NEMF: variants seen among roughly 807,000 people sequenced by gnomAD.
The protein encoded by NEMF is nuclear export mediator factor.
In NEMF, 89 loss-of-function variants were observed where a neutral mutation model predicts 162.2. The ratio of observed to expected loss-of-function variants is 0.55; its 90% confidence interval spans 0.46 to 0.65. The LOEUF (loss-of-function observed/expected upper bound fraction) is 0.65. Ranked by LOEUF, NEMF falls within the 30% of genes least tolerant of loss-of-function variation. The probability of loss-of-function intolerance (pLI) is 0.00; values close to 1 mark genes in which losing one functional copy is unlikely to be tolerated. For synonymous variants in NEMF, 421 were observed against 404.5 expected, an observed-to-expected ratio of 1.04 and a Z score of -0.49; for missense variants, 1,133 against 1,261.9, an observed-to-expected ratio of 0.90 and a Z score of 1.55.
chr14:49,836,096 A>T (rs1594793578), intron 6 of NEMF, among the ~76,000 whole-genome samples: 2 of 152,304 alleles, frequency 1.3e-5, no homozygotes. Flanking sequence ...CCTGGCCAAG[A>T]AGGTGAAACC....
In NEMF at chr14:49,802,557, A is replaced by G; in HGVS notation, c.1991T>C (p.Val664Ala). 1 of 1,614,000 alleles carries G rather than the reference A, an allele frequency of 6.2e-7. No individual in the cohort carries two copies. Among genetic ancestry groups the G allele is most frequent in the Non-Finnish European group, 8.5e-7 (1 of 1,179,976 alleles). ...TTTTCGTTCACCCTGATGTCTCCAA[A>G]CACAAGACTCATCTACCTAAAGAAA... The part of the protein sequence containing the change: ...SFLFKVDESC[V>A]WRHQGERKVR... Residue 664 changes from valine to alanine, a missense_variant, in exon 22 of 33, where the codon GTT (valine) becomes GCT (alanine). This residue lies in a region of NEMF where 532 missense variants were observed against 578.6 expected (regional missense o/e 0.92). Transcript: ENST00000298310.
intron 16 of NEMF, among the ~76,000 whole-genome samples, chr14:49,824,970 C>G (rs1187572405): frequency 6.6e-6 from 1 of 152,324 alleles, no homozygotes; most frequent in South Asian, 2.1e-4. Context: ...GGAGAGACTT[C>G]TGACCTCTGC....
At chr14:49,796,066 G>T in intron 25 of NEMF, 122 bp from the exon 26 acceptor site, 1 of 678,468 alleles carries the variant, frequency 1.5e-6, no homozygotes, top group Non-Finnish European at 2.5e-6. Flanking sequence ...TGCTTCACTT[G>T]ATAATCACCA....
chr14:49,794,788 G>C (rs1474205951), intron 26 of NEMF, among the ~76,000 whole-genome samples: 1 of 143,330 alleles, frequency 7.0e-6, no homozygotes, highest in Non-Finnish European at 1.5e-5. Flanking sequence ...GCGTGATCTT[G>C]GCTCACTGCA....
rs780442972 is a variant in NEMF, at chr14:49,799,207, CAAAAAAAAA to C, written c.2465+259_2465+267del. Among the ~76,000 whole-genome samples the C allele has an allele frequency of 6.4e-4, 38 of 59,064 alleles. 1 individual carries two copies. Among genetic ancestry groups the C allele is most frequent in the South Asian group, 2.1e-3 (2 of 972 alleles). The allele number at this position is 59,064 out of a possible 152,430, so 38.7% of individuals were successfully genotyped here. ...TGGGCAACAAAGCGAGACCCTGTTT[CAAAAAAAAA>C]AAAAAAAAAAAAAAAAAGGAAAATG... On this transcript the variant is annotated intron_variant, in intron 25 of 32. Coordinates refer to ENST00000298310, the MANE Select transcript of NEMF (RefSeq NM_004713.6).
intron 19 of NEMF, among the ~76,000 whole-genome samples, chr14:49,804,165 C>T (rs150208788): frequency 4.7e-4 from 71 of 151,530 alleles, no homozygotes; most frequent in African/African-American, 1.3e-3. Flanking sequence ...CCACCACGCC[C>T]GGCTAATTTT....
At chr14:49,843,604 CG>C (rs1190394624) in intron 4 of NEMF, among the ~76,000 whole-genome samples, 5 of 152,184 alleles carry the variant, frequency 3.3e-5, no homozygotes, top group African/African-American at 1.2e-4. Context: ...GTCGTGTGAA[CG>C]TAATAGAGTA....
At chr14:49,825,787 C>T (rs1438665093) in intron 16 of NEMF, 80 bp downstream of exon 16, 1 of 923,290 alleles carries the variant, frequency 1.1e-6, no homozygotes. Flanking sequence ...CTTTGTAGAA[C>T]TGTTTGACTT....
rs1594820367 is a variant in NEMF at position 49,852,575 on chromosome 14, C to T, written c.59+120G>A. On this transcript the variant is annotated intron_variant, in intron 1 of 32. Coordinates refer to ENST00000298310, the MANE Select transcript of NEMF (RefSeq NM_004713.6). ...ACACGCCTGCCCACTCAGGCCTAGG[C>T]AGGTCCATAGACGCACTAGGAAATA... The T allele has an allele frequency of 1.0e-5, 11 of 1,081,918 alleles. No individual in the cohort carries two copies. In the East Asian group the frequency reaches 2.3e-4, roughly 22 times the overall value. The allele number at this position is 1,081,918 out of a possible 1,614,324, so 67.0% of individuals were successfully genotyped here. A position where few individuals can be genotyped will look rare whatever the true frequency, so the allele number is the denominator to read the frequency against.
chr14:49,823,928 G>A (rs1892210443), intron 16 of NEMF, among the ~76,000 whole-genome samples: 1 of 152,150 alleles, frequency 6.6e-6, no homozygotes, highest in Admixed American at 6.6e-5. Flanking sequence ...CAGCATTTTG[G>A]GAGGCTGAGG....
rs779067167 is a variant in NEMF at position 49,849,026 on chromosome 14, T to C, written c.231+2537A>G. ...ACTAAGAAGAGTTCTTCTCCAGACCTTATAGCCCAAATTGACTGAAATTCG... is the reference window on the plus strand; with the variant it reads ...ACTAAGAAGAGTTCTTCTCCAGACCCTATAGCCCAAATTGACTGAAATTCG... On this transcript the variant is annotated intron_variant, in intron 3 of 32. Coordinates refer to ENST00000298310, the MANE Select transcript of NEMF (RefSeq NM_004713.6). Among the ~76,000 whole-genome samples, 87 of 152,204 alleles carry C rather than the reference T, an allele frequency of 5.7e-4. 2 individuals carry two copies. In the Middle Eastern group the frequency reaches 0.01, roughly 18 times the overall value.
Position 49,800,582 on chromosome 14 carries a change from T to C in NEMF, c.2210A>G (p.Glu737Gly). ...EDITLQSGRD[E>G]LNEELIQEES... ...TTCCTGAATGAGCTCCTCATTTAGT[T>C]CATCTCTGCCACTCTGAAGAGTGAT... Residue 737 changes from glutamate to glycine, a missense_variant, in exon 23 of 33, where the codon GAA becomes GGA. Transcript: ENST00000298310. 1 of 1,614,058 alleles carries C rather than the reference T, an allele frequency of 6.2e-7. No individual in the cohort carries two copies. The highest frequency in any genetic ancestry group is 8.5e-7 in the Non-Finnish European group (1 of 1,179,974).
intron 16 of NEMF, 111 bp from the exon 17 acceptor site, chr14:49,814,968 A>AT: frequency 1.6e-6 from 1 of 642,770 alleles, no homozygotes; most frequent in Non-Finnish European, 2.7e-6. Context: ...TGATGGTTTA[A>AT]TTTTTTTAAG....
At chr14:49,831,681 C>G (rs908123671) in intron 10 of NEMF, among the ~76,000 whole-genome samples, 1 of 152,160 alleles carries the variant, frequency 6.6e-6, no homozygotes, top group Non-Finnish European at 1.5e-5. Context: ...AACTGATCTG[C>G]CTGCCTTGGC....
Position 49,843,694 on chromosome 14 carries a change from T to A in NEMF, c.357+2446A>T, listed in dbSNP as rs528109561. Among the ~76,000 whole-genome samples the A allele has an allele frequency of 9.8e-5, 15 of 152,348 alleles. No homozygotes were observed. In the South Asian group the frequency reaches 2.9e-3, roughly 29 times the overall value. On this transcript the variant is annotated intron_variant, in intron 4 of 32. Coordinates refer to ENST00000298310, the MANE Select transcript of NEMF (RefSeq NM_004713.6). The stretch of plus-strand genomic sequence containing the variant: ...TAACCTATTGCTCCTAGGCTAGGAA[T>A]CTGTATAGCATGTTACTGAATACTG...
intron 32 of NEMF, 35 bp downstream of exon 32, chr14:49,784,890 A>ATC (rs1181522601): frequency 1.5e-5 from 23 of 1,547,470 alleles, no homozygotes; most frequent in Admixed American, 6.8e-5. Context: ...TTGTACTGTC[A>ATC]GTCTCCACAT....
chr14:49,844,736 C>T (rs1435258122), intron 4 of NEMF: 5 of 104,198 alleles, frequency 4.8e-5, no homozygotes, highest in Non-Finnish European at 6.9e-5. Flanking sequence ...CGCACGCGCG[C>T]GCACACACAC....
At chr14:49,834,168 G>A in intron 7 of NEMF, 195 bp downstream of exon 7, 1 of 587,348 alleles carries the variant, frequency 1.7e-6, no homozygotes. Context: ...ACCACCCACT[G>A]CAGCCTCAAA....
chr14:49,831,064 T>C lies in NEMF; in HGVS notation c.945+235A>G, dbSNP rs140336327. On this transcript the variant is annotated intron_variant, in intron 11 of 32. Transcript: ENST00000298310. ...ACAGGCCTCACGTTCCCACCGTATTTTCCTTTTTTTACAGAATATCTGAAA... is the reference window on the plus strand; with the variant it reads ...ACAGGCCTCACGTTCCCACCGTATTCTCCTTTTTTTACAGAATATCTGAAA... Among the ~76,000 whole-genome samples the C allele has an allele frequency of 1.8e-3, 279 of 152,334 alleles. 3 individuals are homozygous for C. The highest frequency in any genetic ancestry group is 6.3e-3 in the African/African-American group (263 of 41,582).
Sources: gnomAD v4.1 joint callset for allele counts (sites outside exome capture counted in the v4.1 genomes callset) on GRCh38, gnomAD v4.1.1 for gene constraint, gnomAD v4.1.1 regional missense constraint, MANE v1.5 for transcripts, NCBI Gene and HGNC (gene_info 2026-07-23, HGNC 2026-07-21) for gene names.